WWTR1: variants seen among roughly 807,000 people sequenced by gnomAD.
The protein encoded by WWTR1 is WW domain-containing transcription regulator protein 1.
In WWTR1, 13 loss-of-function variants were observed where a neutral mutation model predicts 40.1. The ratio of observed to expected loss-of-function variants is 0.32; its 90% CI spans 0.21 to 0.52. The LOEUF is 0.52. Ranked by LOEUF, WWTR1 falls within the 20% of genes least tolerant of loss-of-function variation. The pLI, the probability that WWTR1 is intolerant of heterozygous loss-of-function variation, is 0.97. For synonymous variants in WWTR1, 230 were observed against 210.1 expected (o/e 1.09, Z -0.82); for missense variants, 436 against 523.1 (o/e 0.83, Z 1.63).
At chr3:149,540,211 C>T (rs1189344559) in intron 4 of WWTR1, 5 of 456,470 alleles carry the variant, frequency 1.1e-5, no homozygotes, top group African/African-American at 1.0e-4. Flanking sequence ...AATGCAATTG[C>T]TCACTATGAT....
intron 2 of WWTR1, among the ~76,000 whole-genome samples, chr3:149,594,850 A>G (rs1688176110): frequency 6.6e-6 from 1 of 151,842 alleles, no homozygotes; most frequent in South Asian, 2.1e-4. Context: ...CTTGGGTATA[A>G]TAATAGAATT....
chr3:149,644,075 AAT>A (rs1712345967), intron 2 of WWTR1, among the ~76,000 whole-genome samples: 1 of 152,124 alleles, frequency 6.6e-6, no homozygotes, highest in Non-Finnish European at 1.5e-5. Flanking sequence ...CTTCAAACTC[AAT>A]ATGTTAAATA....
chr3:149,672,781 C>T (rs117964758), intron 1 of WWTR1, among the ~76,000 whole-genome samples: 2,062 of 144,108 alleles, frequency 0.014, 32 homozygotes, highest in East Asian at 0.065. Flanking sequence ...GAAGTTTTTT[C>T]CTTTTTTTTT....
At chr3:149,543,674 C>T (rs936645817) in intron 3 of WWTR1, among the ~76,000 whole-genome samples, 3 of 143,582 alleles carry the variant, frequency 2.1e-5, no homozygotes, top group African/African-American at 7.7e-5. Flanking sequence ...TGCAAAAATG[C>T]ATTTATAAAA....
At chr3:149,675,836 G>A (rs1714241309) in intron 1 of WWTR1, among the ~76,000 whole-genome samples, 1 of 151,952 alleles carries the variant, frequency 6.6e-6, no homozygotes, top group Non-Finnish European at 1.5e-5. Context: ...TCCTGCCTCA[G>A]CCTCCCGAGT....
At chr3:149,651,038 C>T (rs547045636) in intron 2 of WWTR1, among the ~76,000 whole-genome samples, 157 of 152,268 alleles carry the variant, frequency 1.0e-3, no homozygotes, top group Non-Finnish European at 1.7e-3. Context: ...ATCTCCTGTG[C>T]GCCAGATGCT....
intron 1 of WWTR1, among the ~76,000 whole-genome samples, chr3:149,677,802 T>C (rs539124658): frequency 6.7e-6 from 1 of 149,960 alleles, no homozygotes; most frequent in African/African-American, 2.4e-5. Flanking sequence ...ATTGCACCAC[T>C]GCTCTCCAGC....
chr3:149,617,717 TTGAACCCGGGAG>T (rs1740054260), intron 2 of WWTR1, among the ~76,000 whole-genome samples: 1 of 152,194 alleles, frequency 6.6e-6, no homozygotes, highest in Non-Finnish European at 1.5e-5. Context: ...GGAGAATCAC[TTGAACCCGGGAG>T]GTGGAGGTTA....
chr3:149,714,397 C>T (rs962902107), intron 5 of WWTR1, among the ~76,000 whole-genome samples: 1 of 152,206 alleles, frequency 6.6e-6, no homozygotes, highest in Admixed American at 6.5e-5. Context: ...GAGGGGTCTG[C>T]TCCCAGTGTC....
chr3:149,657,318 A>G lies in WWTR1; in HGVS notation c.-3-9T>C, dbSNP rs769391109. 2.5e-6 allele frequency: 4 copies of G among 1,603,492 alleles called. No individual in the cohort carries two copies. Among genetic ancestry groups the G allele is most frequent in the Non-Finnish European group, 3.4e-6 (4 of 1,174,288 alleles). ...GAGGCCGGATTCATCTTCTGCAAAA[A>G]GAAGGTCAGATCAGCCTTTTATTTA... On this transcript the variant is annotated splice_polypyrimidine_tract_variant and intron_variant, in intron 1 of 6. Transcript: ENST00000360632.
chr3:149,683,506 CA>C (rs1240540269), intron 1 of WWTR1, among the ~76,000 whole-genome samples: 1 of 152,032 alleles, frequency 6.6e-6, no homozygotes, highest in Non-Finnish European at 1.5e-5. Flanking sequence ...CCAGCCTGGC[CA>C]ACATGGTGAA....
At chr3:149,614,853 T>C (rs1028490145) in intron 2 of WWTR1, among the ~76,000 whole-genome samples, 7 of 151,986 alleles carry the variant, frequency 4.6e-5, no homozygotes, top group East Asian at 1.9e-4. Context: ...TATGGTGGCA[T>C]GCACCTGTAG....
chr3:149,697,618 T>C (rs1205119873), intron 1 of WWTR1, among the ~76,000 whole-genome samples: 2 of 152,174 alleles, frequency 1.3e-5, no homozygotes, highest in Non-Finnish European at 2.9e-5. Context: ...CAAACTATAC[T>C]ATTCTGCCAC....
chr3:149,562,913 T>C (rs1415962104), intron 3 of WWTR1, among the ~76,000 whole-genome samples: 4 of 151,836 alleles, frequency 2.6e-5, no homozygotes, highest in Non-Finnish European at 4.4e-5. Flanking sequence ...GCGGGAGCAA[T>C]ATTACCAGGG....
intron 2 of WWTR1, among the ~76,000 whole-genome samples, chr3:149,626,880 C>T (rs1403906210): frequency 6.6e-6 from 1 of 152,072 alleles, no homozygotes; most frequent in African/African-American, 2.4e-5. Flanking sequence ...AGCTGCTTGG[C>T]CAATACTTTA....
rs138548807 is a variant in WWTR1, at chr3:149,547,455, C to T, written c.569-4918G>A. On this transcript the variant is annotated intron_variant, in intron 3 of 6. Coordinates refer to ENST00000360632, the MANE Select transcript of WWTR1 (RefSeq NM_015472.6). ...GAGGGAGAATGGCTTGAACCCGGGACGTGGAGGTTGCAGTCACCCGAGATC... is the reference window on the plus strand; with the variant it reads ...GAGGGAGAATGGCTTGAACCCGGGATGTGGAGGTTGCAGTCACCCGAGATC... 1.4e-4 allele frequency among the ~76,000 whole-genome samples: 21 copies of T among 151,828 alleles called. 1 individual carries two copies. The highest frequency in any genetic ancestry group is 6.6e-4 in the Admixed American group (10 of 15,246).
chr3:149,557,244 T>C (rs1428139895), intron 3 of WWTR1, among the ~76,000 whole-genome samples: 2 of 151,758 alleles, frequency 1.3e-5, no homozygotes, highest in Non-Finnish European at 2.9e-5. Context: ...CTAATTTTTG[T>C]ATTTTTTAAT....
Position 149,520,864 on chromosome 3 carries a change from G to A in WWTR1, c.1144C>T (p.Leu382Phe). Residue 382 changes from leucine to phenylalanine, a missense_variant, in exon 7 of 7, where the codon CTC (leucine) becomes TTC (phenylalanine). Leu to Phe is a conservative substitution (Grantham distance 22). Coordinates refer to ENST00000360632, the MANE Select transcript of WWTR1 (RefSeq NM_015472.6). ...AGAGCAGACTCTACATCATTGAAGA[G>A]GGGGATCAGGTCTTCAGATTCCAAA... ...GTLESEDLIP[L>F]FNDVESALNK... The A allele has an allele frequency of 1.2e-6, 2 of 1,613,506 alleles. No homozygotes were observed. The highest frequency in any genetic ancestry group is 1.7e-6 in the Non-Finnish European group (2 of 1,179,818).
chr3:149,663,375 A>G (rs901646797), intron 2 of WWTR1, among the ~76,000 whole-genome samples: 5 of 152,006 alleles, frequency 3.3e-5, no homozygotes, highest in African/African-American at 1.2e-4. Context: ...TGGACTGTAA[A>G]TAGCTGCAGG....
Sources: gnomAD v4.1 joint callset for allele counts (sites outside exome capture counted in the v4.1 genomes callset) on GRCh38, gnomAD v4.1.1 for gene constraint, MANE v1.5 for transcripts, NCBI Gene and HGNC (gene_info 2026-07-23, HGNC 2026-07-21) for gene names.